The following EFCAB11 variants were observed in gnomAD, a reference collection of about 807,000 sequenced individuals.
The protein encoded by EFCAB11 is EF-hand calcium binding domain 11.
Under a neutral mutation model 23.0 loss-of-function variants are expected in EFCAB11, and 14 were observed. That is an observed-to-expected ratio of 0.61 (90% confidence interval 0.40 to 0.95). The LOEUF is 0.95. Ranked by LOEUF, EFCAB11 falls within the 40% of genes least tolerant of loss-of-function variation. EFCAB11 has a pLI of 0.00. For missense variants in EFCAB11, 198 were observed against 195.8 expected, an observed-to-expected ratio of 1.01 and a Z score of -0.07; for synonymous variants, 65 against 66.6, an observed-to-expected ratio of 0.98 and a Z score of 0.11.
At position 89,818,088 on chromosome 14, in the gene EFCAB11, G is replaced by A. The variant is rs1292489541; in HGVS notation, c.411-20764C>T. Among the ~76,000 whole-genome samples the A allele has an allele frequency of 3.9e-5, 6 of 152,134 alleles. 1 individual carries two copies. In the East Asian group the frequency reaches 9.7e-4, roughly 24 times the overall value. Reference sequence around the variant, plus strand: ...AAGGTAAATATGGATATGAAATTGTGATAAATATTATATGTAAATGTTGAC... The same window carrying A: ...AAGGTAAATATGGATATGAAATTGTAATAAATATTATATGTAAATGTTGAC... On this transcript the variant is annotated intron_variant, in intron 5 of 5. Transcript: ENST00000316738.
Position 89,938,806 on chromosome 14 carries a change from C to G in EFCAB11, c.218-6179G>C, listed in dbSNP as rs151249270. On this transcript the variant is annotated intron_variant, in intron 3 of 5. Coordinates refer to ENST00000316738, the MANE Select transcript of EFCAB11 (RefSeq NM_145231.4). The stretch of plus-strand genomic sequence containing the variant: ...GTGAGGTGGTGCCGCACCTGTAATC[C>G]CAGCTACTCAGGAGGCTGAGGCAGA... Among the ~76,000 whole-genome samples the G allele has an allele frequency of 1.6e-4, 24 of 151,938 alleles. No individual in the cohort carries two copies. In the East Asian group the frequency reaches 3.3e-3, roughly 21 times the overall value.
intron 5 of EFCAB11, among the ~76,000 whole-genome samples, chr14:89,818,540 A>G (rs546046291): frequency 6.6e-6 from 1 of 152,320 alleles, no homozygotes; most frequent in East Asian, 1.9e-4. Flanking sequence ...CTGAAAATGT[A>G]TCCAAAGAAA....
At chr14:89,808,371 A>C (rs1164946505) in intron 5 of EFCAB11, among the ~76,000 whole-genome samples, 1 of 152,196 alleles carries the variant, frequency 6.6e-6, no homozygotes, top group African/African-American at 2.4e-5. Context: ...TACTGTATAG[A>C]TCTTGGTTAT....
intron 5 of EFCAB11, among the ~76,000 whole-genome samples, chr14:89,920,007 T>A (rs1476147370): frequency 6.6e-6 from 1 of 152,228 alleles, no homozygotes; most frequent in Non-Finnish European, 1.5e-5. Flanking sequence ...AAGTCATGAA[T>A]TTCGTTTAGC....
intron 5 of EFCAB11, among the ~76,000 whole-genome samples, chr14:89,917,216 A>C (rs1293841778): frequency 6.6e-6 from 1 of 152,008 alleles, no homozygotes; most frequent in Admixed American, 6.6e-5. Flanking sequence ...CCTGTAACTA[A>C]AATTTTGTAT....
intron 5 of EFCAB11, among the ~76,000 whole-genome samples, chr14:89,803,687 A>G (rs1489340294): frequency 1.3e-5 from 2 of 152,200 alleles, no homozygotes; most frequent in East Asian, 3.9e-4. Context: ...TACTGACTGA[A>G]CAGTGAAAGT....
At chr14:89,856,681 T>C (rs1887764869) in intron 5 of EFCAB11, among the ~76,000 whole-genome samples, 1 of 152,226 alleles carries the variant, frequency 6.6e-6, no homozygotes, top group African/African-American at 2.4e-5. Context: ...TCCCTGATGA[T>C]TAATAATACT....
chr14:89,828,881 G>A (rs1018877133), intron 5 of EFCAB11, among the ~76,000 whole-genome samples: 2 of 152,180 alleles, frequency 1.3e-5, no homozygotes, highest in Non-Finnish European at 2.9e-5. Flanking sequence ...CTGCAGCAAA[G>A]AAGGTGGCTC....
chr14:89,934,456 A>G (rs1301979669), intron 3 of EFCAB11, among the ~76,000 whole-genome samples: 1 of 152,034 alleles, frequency 6.6e-6, no homozygotes, highest in Non-Finnish European at 1.5e-5. Context: ...GTCTGGGGGA[A>G]GAGCAAAATT....
chr14:89,912,586 C>T (rs944994148), intron 5 of EFCAB11, among the ~76,000 whole-genome samples: 2 of 152,040 alleles, frequency 1.3e-5, no homozygotes, highest in Non-Finnish European at 2.9e-5. Flanking sequence ...CCTATTTTTC[C>T]AGTGGGACTG....
intron 5 of EFCAB11, among the ~76,000 whole-genome samples, chr14:89,800,140 C>A (rs182694717): frequency 5.9e-5 from 9 of 152,042 alleles, no homozygotes; most frequent in Non-Finnish European, 1.0e-4. Flanking sequence ...GAGCCAAGAT[C>A]GGGCCACTGC....
intron 5 of EFCAB11, among the ~76,000 whole-genome samples, chr14:89,887,094 A>G (rs1157871181): frequency 6.6e-6 from 1 of 152,342 alleles, no homozygotes; most frequent in African/African-American, 2.4e-5. Flanking sequence ...CTGAACATCC[A>G]GAGGTATTCA....
intron 5 of EFCAB11, among the ~76,000 whole-genome samples, chr14:89,854,823 T>A (rs1475166592): frequency 2.0e-5 from 3 of 152,108 alleles, no homozygotes; most frequent in Non-Finnish European, 4.4e-5. Flanking sequence ...CACGATCCTG[T>A]AGATTTAGAC....
chr14:89,900,090 A>T (rs2140201375), intron 5 of EFCAB11, among the ~76,000 whole-genome samples: 1 of 152,324 alleles, frequency 6.6e-6, no homozygotes, highest in Middle Eastern at 3.4e-3. Flanking sequence ...GGAGGGGAAA[A>T]GAAGGTGCTG....
chr14:89,877,233 T>C (rs1423053031), intron 5 of EFCAB11, among the ~76,000 whole-genome samples: 1 of 151,756 alleles, frequency 6.6e-6, no homozygotes, highest in East Asian at 1.9e-4. Flanking sequence ...AGAGACGGGG[T>C]TTCATCATGT....
intron 3 of EFCAB11, among the ~76,000 whole-genome samples, chr14:89,943,702 G>A (rs1406755555): frequency 6.6e-6 from 1 of 152,180 alleles, no homozygotes; most frequent in Non-Finnish European, 1.5e-5. Flanking sequence ...TTTGAAATTG[G>A]TTCAGTATTG....
At chr14:89,880,275 C>A (rs1336710058) in intron 5 of EFCAB11, among the ~76,000 whole-genome samples, 1 of 152,186 alleles carries the variant, frequency 6.6e-6, no homozygotes, top group African/African-American at 2.4e-5. Flanking sequence ...ATGTGACACA[C>A]CATTCCATGA....
intron 5 of EFCAB11, among the ~76,000 whole-genome samples, chr14:89,928,065 T>A (rs1890250551): frequency 6.6e-6 from 1 of 152,268 alleles, no homozygotes; most frequent in East Asian, 1.9e-4. Context: ...TGTGATATTA[T>A]AAAAATACAG....
chr14:89,909,972 G>A (rs916982855), intron 5 of EFCAB11, among the ~76,000 whole-genome samples: 3 of 152,082 alleles, frequency 2.0e-5, no homozygotes, highest in Admixed American at 6.5e-5. Flanking sequence ...TGCAGCAAGC[G>A]TTCTTCTTCT....
Sources: gnomAD v4.1 joint callset for allele counts (sites outside exome capture counted in the v4.1 genomes callset) on GRCh38, gnomAD v4.1.1 for gene constraint, MANE v1.5 for transcripts, NCBI Gene and HGNC (gene_info 2026-07-23, HGNC 2026-07-21) for gene names.